Variants in DCHS2 observed in about 807,000 individuals in gnomAD.
The protein encoded by DCHS2 is protocadherin-23.
DCHS2 carries 142 observed loss-of-function variants against 182.4 expected under a neutral mutation model. The ratio of observed to expected loss-of-function variants is 0.78; its 90% CI spans 0.68 to 0.89. DCHS2 has a LOEUF of 0.89. Among genes scored for constraint, DCHS2 ranks in the 40% least tolerant of loss-of-function variants. The pLI, the probability that DCHS2 is intolerant of heterozygous loss-of-function variation, is 0.00. For missense variants in DCHS2, 4,319 were observed against 4,198.6 expected (o/e 1.03, Z -0.79); for synonymous variants, 1,740 against 1,663.3 (o/e 1.05, Z -1.12).
Position 154,240,596 on chromosome 4 carries a change from C to T in DCHS2, c.7300G>A (p.Val2434Ile). The T allele has an allele frequency of 6.2e-7, 1 of 1,613,908 alleles. No homozygotes were observed. Among genetic ancestry groups the T allele is most frequent in the Non-Finnish European group, 8.5e-7 (1 of 1,179,910 alleles). ...DSVHYTEGAL[V>I]VRVLDVNDNP... ...TCATTGACATCCAGCACACGGACTA[C>T]AAGTGCTCCCTCTGTGTAGTGCACT... Residue 2434 changes from valine (V) to isoleucine (I), a missense_variant, in exon 18 of 20, where the codon GTA becomes ATA. Physicochemically the swap from Val to Ile is conservative, Grantham distance 29 (BLOSUM62 3). Transcript: ENST00000357232.
At position 154,282,330 on chromosome 4, in the gene DCHS2, CAA is replaced by C. The variant is rs906529968; in HGVS notation, c.6464-12319_6464-12318del. On this transcript the variant is annotated intron_variant, in intron 13 of 19. Transcript: ENST00000357232. ...TATATAAATAACTCTTGCAAATAAACAAGAGAACAAAAGCAAATAACCTGATT... is the reference window on the plus strand; with the variant it reads ...TATATAAATAACTCTTGCAAATAAACGAGAACAAAAGCAAATAACCTGATT... 3.3e-5 allele frequency among the ~76,000 whole-genome samples: 5 copies of C among 151,788 alleles called. No homozygotes were observed. The East Asian group carries it at 7.7e-4, about 23-fold the overall frequency.
chr4:154,263,198 A>C (rs1429038225), intron 14 of DCHS2, among the ~76,000 whole-genome samples: 1 of 152,130 alleles, frequency 6.6e-6, no homozygotes, highest in Admixed American at 6.5e-5. Flanking sequence ...ACATTCAGAA[A>C]ACCTATACAA....
chr4:154,339,742 C>T (rs1314304517), intron 3 of DCHS2, among the ~76,000 whole-genome samples: 1 of 152,108 alleles, frequency 6.6e-6, no homozygotes, highest in African/African-American at 2.4e-5. Flanking sequence ...CGACCGCGCC[C>T]AGCCAAACAT....
intron 16 of DCHS2, among the ~76,000 whole-genome samples, chr4:154,254,486 C>T (rs1422146855): frequency 2.0e-5 from 3 of 152,058 alleles, no homozygotes; most frequent in Non-Finnish European, 2.9e-5. Context: ...TATTCTATTC[C>T]AGGGTTTTGC....
At chr4:154,277,068 T>C (rs902494722) in intron 13 of DCHS2, among the ~76,000 whole-genome samples, 1 of 152,236 alleles carries the variant, frequency 6.6e-6, no homozygotes, top group African/African-American at 2.4e-5. Flanking sequence ...CTGTGTTTTC[T>C]TTTGTAATTG....
chr4:154,386,327 T>A (rs999476927), intron 1 of DCHS2, among the ~76,000 whole-genome samples: 3 of 152,204 alleles, frequency 2.0e-5, no homozygotes, highest in African/African-American at 7.2e-5. Flanking sequence ...AAACACTGGC[T>A]TGTTCCCACC....
chr4:154,458,284 A>G (rs1734858130), intron 1 of DCHS2, among the ~76,000 whole-genome samples: 1 of 151,856 alleles, frequency 6.6e-6, no homozygotes, highest in African/African-American at 2.4e-5. Context: ...AGAAAATCAG[A>G]CCCATATTTC....
chr4:154,322,769 T>A (rs112561494), intron 7 of DCHS2: 1 of 326,812 alleles, frequency 3.1e-6, no homozygotes, highest in African/African-American at 2.1e-5. Flanking sequence ...TCTTATTTCA[T>A]CTATTCCCCA....
rs1054392505 is a variant in DCHS2, at chr4:154,475,090, T to C, written c.2052+14214A>G. Among the ~76,000 whole-genome samples, 15 of 152,276 alleles carry C rather than the reference T, an allele frequency of 9.9e-5. No homozygotes were observed. In the East Asian group the frequency reaches 2.9e-3, roughly 29 times the overall value. On this transcript the variant is annotated intron_variant, in intron 1 of 19. Coordinates refer to ENST00000357232, the MANE Select transcript of DCHS2 (RefSeq NM_001358235.2). ...ACTACTATTTAAAATCACTATTACC[T>C]TATCCTAATTGCCACATTAATTAAT... is the stretch of plus-strand genomic sequence containing the variant.
chr4:154,489,034 A>G (rs1361617252), intron 1 of DCHS2, among the ~76,000 whole-genome samples: 1 of 152,122 alleles, frequency 6.6e-6, no homozygotes, highest in African/African-American at 2.4e-5. Context: ...GCATACATCC[A>G]GCAGGAAAGA....
chr4:154,456,062 C>A (rs1042760930), intron 1 of DCHS2, among the ~76,000 whole-genome samples: 1 of 151,878 alleles, frequency 6.6e-6, no homozygotes, highest in African/African-American at 2.4e-5. Context: ...TTCACTCCAG[C>A]CTGGGCAACA....
chr4:154,356,542 C>A (rs887993631), intron 3 of DCHS2, among the ~76,000 whole-genome samples: 2 of 152,140 alleles, frequency 1.3e-5, no homozygotes, highest in East Asian at 3.8e-4. Flanking sequence ...TCCAGTCCTG[C>A]GAGCTTTATT....
intron 6 of DCHS2, among the ~76,000 whole-genome samples, chr4:154,328,883 T>A (rs1322227225): frequency 6.6e-6 from 1 of 152,212 alleles, no homozygotes; most frequent in East Asian, 1.9e-4. Context: ...ATTCAATTGT[T>A]CTGGAACAGT....
At chr4:154,458,769 A>G (rs1005682848) in intron 1 of DCHS2, among the ~76,000 whole-genome samples, 3 of 152,202 alleles carry the variant, frequency 2.0e-5, no homozygotes, top group African/African-American at 2.4e-5. Flanking sequence ...AAGTGTTGAT[A>G]ATTAGAATGT....
At position 154,236,528 on chromosome 4, in the gene DCHS2, A is replaced by G; in HGVS notation, c.8124T>C (p.Asn2708=). The change falls in exon 20 of 20, where the codon AAT becomes AAC. Residue 2708 remains asparagine (N), a synonymous_variant. Transcript: ENST00000357232. ...CTTCTAAGTAAAAATGTCCCTTCTC[A>G]TTTCCAGAGATGATGTTGTAGATGA... ...AEIIYNIISG[N]EKGHFYLEEN... 4 of 1,613,970 alleles carry G rather than the reference A, an allele frequency of 2.5e-6. No individual in the cohort carries two copies. The highest frequency in any genetic ancestry group is 2.5e-6 in the Non-Finnish European group (3 of 1,179,972).
intron 2 of DCHS2, among the ~76,000 whole-genome samples, chr4:154,369,844 G>C (rs762490562): frequency 6.6e-6 from 1 of 152,202 alleles, no homozygotes; most frequent in Non-Finnish European, 1.5e-5. Context: ...AAAGATGAAA[G>C]TTGTTTGGGA....
chr4:154,279,660 A>C (rs915526050), intron 13 of DCHS2, among the ~76,000 whole-genome samples: 2 of 152,010 alleles, frequency 1.3e-5, no homozygotes, highest in African/African-American at 4.8e-5. Flanking sequence ...ATCAAAAGAA[A>C]ATTTAGAAAA....
At chr4:154,322,992 T>C (rs1258955544) in intron 7 of DCHS2, 12 of 492,686 alleles carry the variant, frequency 2.4e-5, no homozygotes, top group Non-Finnish European at 3.8e-5. Flanking sequence ...AAATACTCTT[T>C]ATTTTTCTTG....
At chr4:154,337,671 C>G (rs1728873425) in intron 3 of DCHS2, among the ~76,000 whole-genome samples, 1 of 152,088 alleles carries the variant, frequency 6.6e-6, no homozygotes, top group Non-Finnish European at 1.5e-5. Context: ...ATCTGGATTG[C>G]TGCGTCCTCT....
Sources: gnomAD v4.1 joint callset for allele counts (sites outside exome capture counted in the v4.1 genomes callset) on GRCh38, gnomAD v4.1.1 for gene constraint, MANE v1.5 for transcripts, NCBI Gene and HGNC (gene_info 2026-07-23, HGNC 2026-07-21) for gene names.